Variants in NXPH1 observed in about 807,000 individuals in gnomAD.
NXPH1 encodes the protein neurexophilin 1.
A neutral mutation model predicts 23.7 loss-of-function variants in NXPH1; 5 were observed. That is an observed-to-expected ratio of 0.21 (90% CI 0.11 to 0.44). The LOEUF (loss-of-function observed/expected upper bound fraction) is 0.44, where lower values mean the gene tolerates loss of function less well. Among genes scored for constraint, NXPH1 ranks in the 20% least tolerant of loss-of-function variants. The pLI is 0.99. For synonymous variants in NXPH1, 144 were observed against 122.2 expected (o/e 1.18, Z -1.18); for missense variants, 324 against 321.6 (o/e 1.01, Z -0.06).
chr7:8,496,133 A>G (rs959479712), intron 2 of NXPH1, among the ~76,000 whole-genome samples: 3 of 152,018 alleles, frequency 2.0e-5, no homozygotes, highest in African/African-American at 4.8e-5. Context: ...CCCACTGGAG[A>G]GTCAGCTTCA....
chr7:8,502,933 C>T (rs1416911348), intron 2 of NXPH1, among the ~76,000 whole-genome samples: 4 of 152,014 alleles, frequency 2.6e-5, no homozygotes, highest in African/African-American at 9.6e-5. Flanking sequence ...TCATGATGCA[C>T]AAGGTAGTAC....
intron 2 of NXPH1, among the ~76,000 whole-genome samples, chr7:8,496,242 C>G (rs1274052280): frequency 6.6e-6 from 1 of 151,972 alleles, no homozygotes; most frequent in African/African-American, 2.4e-5. Context: ...ACACAAGACC[C>G]CTTCACCAAT....
At chr7:8,448,673 C>T (rs752515888) in intron 2 of NXPH1, among the ~76,000 whole-genome samples, 2 of 151,934 alleles carry the variant, frequency 1.3e-5, no homozygotes, top group Non-Finnish European at 2.9e-5. Context: ...AAAAACGAGC[C>T]GGGTGTGGCG....
rs1819025689 is a variant in NXPH1, at chr7:8,588,549, T to G, written c.54+152782T>G. Among the ~76,000 whole-genome samples the G allele has an allele frequency of 2.6e-5, 4 of 152,238 alleles. No homozygotes were observed. In the South Asian group the frequency reaches 8.3e-4, roughly 32 times the overall value. ...ATAACTACATGGTGGGGAATATGGT[T>G]GTTCAAGGCTCCCAGGCTTTAATTT... On this transcript the variant is annotated intron_variant, in intron 2 of 2. Coordinates refer to ENST00000405863, the MANE Select transcript of NXPH1 (RefSeq NM_152745.3).
intron 2 of NXPH1, among the ~76,000 whole-genome samples, chr7:8,559,762 C>A (rs1015791573): frequency 1.3e-4 from 19 of 151,682 alleles, no homozygotes; most frequent in African/African-American, 4.1e-4. Context: ...GCTACATAGA[C>A]ATGGATTTCA....
At chr7:8,608,969 T>C (rs1435385427) in intron 2 of NXPH1, among the ~76,000 whole-genome samples, 1 of 152,144 alleles carries the variant, frequency 6.6e-6, no homozygotes, top group Non-Finnish European at 1.5e-5. Context: ...GATAGGTTCT[T>C]GGAAACTTGA....
chr7:8,508,249 C>T (rs886140094), intron 2 of NXPH1, among the ~76,000 whole-genome samples: 1 of 151,968 alleles, frequency 6.6e-6, no homozygotes, highest in African/African-American at 2.4e-5. Flanking sequence ...ATATTTCAAC[C>T]CAACAGACGG....
intron 2 of NXPH1, among the ~76,000 whole-genome samples, chr7:8,606,723 G>A (rs1429574563): frequency 6.6e-6 from 1 of 151,996 alleles, no homozygotes; most frequent in African/African-American, 2.4e-5. Flanking sequence ...ATTTGCCCAG[G>A]GTCTTTGGTT....
chr7:8,732,824 T>C (rs1780181725), intron 2 of NXPH1, among the ~76,000 whole-genome samples: 1 of 152,152 alleles, frequency 6.6e-6, no homozygotes, highest in Admixed American at 6.5e-5. Flanking sequence ...TATTTACTAT[T>C]GTAGACTTTA....
At chr7:8,725,588 A>G (rs762257756) in intron 2 of NXPH1, among the ~76,000 whole-genome samples, 2 of 152,208 alleles carry the variant, frequency 1.3e-5, no homozygotes, top group African/African-American at 4.8e-5. Flanking sequence ...CACCAAAAAT[A>G]TTTATTTACT....
chr7:8,739,261 C>G (rs1234011423), intron 2 of NXPH1, among the ~76,000 whole-genome samples: 1 of 148,298 alleles, frequency 6.7e-6, no homozygotes, highest in African/African-American at 2.5e-5. Flanking sequence ...GCTTGAAACT[C>G]AGGGCCCTGG....
chr7:8,511,273 T>C (rs151217027), intron 2 of NXPH1, among the ~76,000 whole-genome samples: 2 of 152,286 alleles, frequency 1.3e-5, no homozygotes, highest in African/African-American at 2.4e-5. Context: ...GGTGACTTTC[T>C]GGGTTAATTA....
At chr7:8,470,350 T>C (rs1376653685) in intron 2 of NXPH1, among the ~76,000 whole-genome samples, 1 of 152,150 alleles carries the variant, frequency 6.6e-6, no homozygotes, top group Non-Finnish European at 1.5e-5. Flanking sequence ...TTTTGATATG[T>C]GGTCAAGAGT....
chr7:8,526,543 T>G (rs2128616665), intron 2 of NXPH1, among the ~76,000 whole-genome samples: 1 of 152,270 alleles, frequency 6.6e-6, no homozygotes, highest in South Asian at 2.1e-4. Context: ...CACCCAAAAC[T>G]CAACTTGAAT....
Position 8,435,602 on chromosome 7 carries a change from A to AG in NXPH1, c.-110dup. ...GGGATGTCTAATTTTATTTGCATCT[A>AG]GGCTGCTGAGAGCGCTCCTTGCTCT... On this transcript the variant is annotated splice_acceptor_variant, in intron 1 of 2. Transcript: ENST00000405863. LOFTEE classifies it low-confidence loss of function (5UTR_SPLICE). The surrounding 1 kb of genome is among the most constrained non-coding windows in gnomAD (Gnocchi z 5.9). 1.1e-6 allele frequency: 1 copy of AG among 946,904 alleles called. No homozygotes were observed. 58.7% of individuals were successfully genotyped at this position (946,904 alleles called of 1,614,324 possible). A position where few individuals can be genotyped will look rare whatever the true frequency, so the allele number is the denominator to read the frequency against.
At chr7:8,708,505 C>T (rs1483531392) in intron 2 of NXPH1, among the ~76,000 whole-genome samples, 1 of 151,880 alleles carries the variant, frequency 6.6e-6, no homozygotes, top group Admixed American at 6.6e-5. Context: ...GGATTACAGG[C>T]ACCTGCCACC....
chr7:8,736,603 C>T (rs957919943), intron 2 of NXPH1, among the ~76,000 whole-genome samples: 1 of 152,124 alleles, frequency 6.6e-6, no homozygotes, highest in African/African-American at 2.4e-5. Context: ...AATGTATATT[C>T]TGTTGATTTG....
chr7:8,681,822 A>T (rs889852659), intron 2 of NXPH1, among the ~76,000 whole-genome samples: 4 of 152,332 alleles, frequency 2.6e-5, no homozygotes, highest in African/African-American at 7.2e-5. Context: ...CTGGCCTACC[A>T]CATCTATATT....
chr7:8,619,292 A>G (rs1278555899), intron 2 of NXPH1, among the ~76,000 whole-genome samples: 2 of 152,146 alleles, frequency 1.3e-5, no homozygotes, highest in Non-Finnish European at 2.9e-5. Flanking sequence ...ATTGGCCTCT[A>G]ATCTTCTATT....
Sources: allele counts gnomAD v4.1 joint callset (sites outside exome capture counted in the v4.1 genomes callset), GRCh38; gene constraint gnomAD v4.1.1; non-coding constraint Gnocchi (gnomAD v3.1); transcripts MANE v1.5; gene names NCBI Gene and HGNC (gene_info 2026-07-23, HGNC 2026-07-21).